Variants in PPP6R2 observed in about 807,000 individuals in gnomAD.
PPP6R2 encodes protein phosphatase 6 regulatory subunit 2.
Under a neutral mutation model 100.2 loss-of-function variants are expected in PPP6R2, and 62 were observed. The ratio of observed to expected loss-of-function variants is 0.62; its 90% confidence interval spans 0.50 to 0.76. PPP6R2 has a LOEUF of 0.76. Among genes scored for constraint, PPP6R2 ranks in the 30% least tolerant of loss-of-function variants. PPP6R2 has a pLI of 0.00. For synonymous variants in PPP6R2, 525 were observed against 514.7 expected (o/e 1.02, Z -0.27); for missense variants, 1,142 against 1,276.3 (o/e 0.89, Z 1.60).
Position 50,443,706 on chromosome 22 carries a change from G to C in PPP6R2, c.2580-160G>C, listed in dbSNP as rs144896241. On this transcript the variant is annotated intron_variant, in intron 22 of 23. Transcript: ENST00000612753. ...TTGGGGCAGCAGAGCTGCCTAGCTG[G>C]GCACAACCTGGGCCACCCCACAAAG... is the stretch of plus-strand genomic sequence containing the variant. 4.6e-5 allele frequency: 47 copies of C among 1,032,114 alleles called. No individual in the cohort carries two copies. In the African/African-American group the frequency reaches 6.4e-4, roughly 14 times the overall value. The allele number at this position is 1,032,114 out of a possible 1,614,324, so 63.9% of individuals were successfully genotyped here.
chr22:50,393,298 C>A, intron 2 of PPP6R2: 1 of 720,238 alleles, frequency 1.4e-6, no homozygotes, highest in Non-Finnish European at 1.7e-6. Flanking sequence ...AGTGGATGGG[C>A]CGGGTGGCTG....
At chr22:50,337,729 G>A in the PPP6R2 span, among the ~76,000 whole-genome samples, 1 of 146,436 alleles carries the variant, frequency 6.8e-6, no homozygotes, top group African/African-American at 2.5e-5. Context: ...GTACTGTGTG[G>A]TATGTAGTGT....
chr22:50,417,938 T>C (rs2147633848), intron 6 of PPP6R2, among the ~76,000 whole-genome samples: 1 of 152,288 alleles, frequency 6.6e-6, no homozygotes, highest in South Asian at 2.1e-4. Flanking sequence ...TCTCTCTTAA[T>C]CACATTTGTC....
chr22:50,414,703 TC>T lies in PPP6R2; in HGVS notation c.552+22del, dbSNP rs60172550. 599,936 of 1,604,236 alleles carry T rather than the reference TC, an allele frequency of 0.37. 116,967 individuals carry two copies. The highest frequency in any genetic ancestry group is 0.73 in the East Asian group (32,646 of 44,638). On this transcript the variant is annotated intron_variant, in intron 5 of 23. Coordinates refer to ENST00000612753, the MANE Select transcript of PPP6R2 (RefSeq NM_001242898.2). ...GACGTCCTGCACGTGAGTGCGGGAG[TC>T]CCCCCCCGTTCCCGAGGGCAGGGGT...
intron 5 of PPP6R2, among the ~76,000 whole-genome samples, chr22:50,415,655 GC>G (rs1292147889): frequency 6.6e-6 from 1 of 152,252 alleles, no homozygotes. Flanking sequence ...GGCCCCCGTT[GC>G]CCTTGAGCTT....
At chr22:50,355,495 C>T (rs993085679) in intron 1 of PPP6R2, among the ~76,000 whole-genome samples, 4 of 150,714 alleles carry the variant, frequency 2.7e-5, no homozygotes, top group Admixed American at 1.3e-4. Flanking sequence ...TTCCAAAGTG[C>T]TGGGATTACA....
intron 10 of PPP6R2, among the ~76,000 whole-genome samples, chr22:50,424,521 G>T (rs568977844): frequency 9.3e-5 from 14 of 151,170 alleles, no homozygotes; most frequent in Non-Finnish European, 1.2e-4. Flanking sequence ...CTGTCCGCGT[G>T]TGGAACGTCT....
the PPP6R2 span, among the ~76,000 whole-genome samples, chr22:50,331,390 G>A: frequency 7.9e-5 from 12 of 152,010 alleles, no homozygotes; most frequent in Admixed American, 5.3e-4. Context: ...AAACTTTTCC[G>A]AACAGTTTTA....
chr22:50,352,680 A>C (rs186589794), intron 1 of PPP6R2, among the ~76,000 whole-genome samples: 1 of 151,652 alleles, frequency 6.6e-6, no homozygotes, highest in East Asian at 1.9e-4. Flanking sequence ...AGCCAAGATC[A>C]CGCCACTGCA....
chr22:50,441,836 G>A (rs1328798747), intron 22 of PPP6R2, among the ~76,000 whole-genome samples: 37 of 152,194 alleles, frequency 2.4e-4, no homozygotes, highest in Admixed American at 2.1e-3. Context: ...GGGTCAGGGC[G>A]TGGGTTAGCA....
chr22:50,419,431 T>C lies in PPP6R2; in HGVS notation c.814T>C (p.Leu272=). 1 of 1,614,170 alleles carries C rather than the reference T, an allele frequency of 6.2e-7. No homozygotes were observed. The highest frequency in any genetic ancestry group is 8.5e-7 in the Non-Finnish European group (1 of 1,180,020). Residue 272 remains leucine (L), a synonymous_variant, in exon 8 of 24, where the codon TTA becomes CTA. Coordinates refer to ENST00000612753, the MANE Select transcript of PPP6R2 (RefSeq NM_001242898.2). ...CTGCCTCGTCAGTGGGACTCAGGTG[T>C]TACTCACCTTGCTGGAAACCAGGCG... The part of the protein sequence containing the change: ...ESCLVSGTQV[L]LTLLETRRVG...
rs368147502 is a variant in PPP6R2, at chr22:50,429,113, C to T, written c.1126-2060C>T. Among the ~76,000 whole-genome samples, 68 of 152,194 alleles carry T rather than the reference C, an allele frequency of 4.5e-4. 1 individual carries two copies. In the East Asian group the frequency reaches 0.011, roughly 24 times the overall value. The stretch of plus-strand genomic sequence containing the variant: ...TGGCATGATCTTGGCTCACGGCAAC[C>T]GCCGCCTCCTGGGCTCAGGCGATTC... On this transcript the variant is annotated intron_variant, in intron 10 of 23. Coordinates refer to ENST00000612753, the MANE Select transcript of PPP6R2 (RefSeq NM_001242898.2).
chr22:50,353,417 C>T (rs1406503912), intron 1 of PPP6R2, among the ~76,000 whole-genome samples: 2 of 152,040 alleles, frequency 1.3e-5, no homozygotes, highest in Non-Finnish European at 2.9e-5. Context: ...ACTTACGCAG[C>T]GTTTATTAAG....
At position 50,431,496 on chromosome 22, in the gene PPP6R2, C is replaced by A; in HGVS notation, c.1335+114C>A. 1 of 962,280 alleles carries A rather than the reference C, an allele frequency of 1.0e-6. No individual in the cohort carries two copies. The highest frequency in any genetic ancestry group is 2.4e-5 in the Admixed American group (1 of 41,114). The allele number at this position is 962,280 out of a possible 1,614,324, so 59.6% of individuals were successfully genotyped here. A position where few individuals can be genotyped will look rare whatever the true frequency, so the allele number is the denominator to read the frequency against. ...CTGTGCAGCTGACACGGGGGCAGGG[C>A]TTTGAAAAGGGTCCCCAGGTGTCTG... On this transcript the variant is annotated intron_variant, in intron 11 of 23. Coordinates refer to ENST00000612753, the MANE Select transcript of PPP6R2 (RefSeq NM_001242898.2). The surrounding 1 kb of genome is among the most constrained non-coding windows in gnomAD (Gnocchi z 4.8).
At chr22:50,350,920 C>G (rs945154493) in intron 1 of PPP6R2, among the ~76,000 whole-genome samples, 4 of 150,740 alleles carry the variant, frequency 2.7e-5, no homozygotes, top group Admixed American at 2.7e-4. Flanking sequence ...CAACATTAGT[C>G]TCCTTGTACA....
At chr22:50,350,627 C>G (rs62241245) in intron 1 of PPP6R2, among the ~76,000 whole-genome samples, 27 of 149,100 alleles carry the variant, frequency 1.8e-4, no homozygotes, top group Admixed American at 1.3e-4. Flanking sequence ...AGGCAGATCA[C>G]GAGGTCAGGA....
At chr22:50,396,746 G>C (rs185466410) in intron 3 of PPP6R2, among the ~76,000 whole-genome samples, 1 of 152,282 alleles carries the variant, frequency 6.6e-6, no homozygotes, top group East Asian at 1.9e-4. Flanking sequence ...CCCTGTGGCA[G>C]GGGGTGGTCA....
intron 1 of PPP6R2, among the ~76,000 whole-genome samples, chr22:50,349,904 G>T (rs541052652): frequency 1.7e-3 from 258 of 151,304 alleles, no homozygotes; most frequent in African/African-American, 6.0e-3. Context: ...GATCACCTGA[G>T]GTCAGGAGTT....
chr22:50,419,112 A>G, intron 7 of PPP6R2, 133 bp downstream of exon 7: 1 of 811,498 alleles, frequency 1.2e-6, no homozygotes, highest in East Asian at 2.6e-5. Context: ...CCAGGTTCAG[A>G]GCCCATGTTA....
Sources: allele counts gnomAD v4.1 joint callset (sites outside exome capture counted in the v4.1 genomes callset), GRCh38; gene constraint gnomAD v4.1.1; non-coding constraint Gnocchi (gnomAD v3.1); transcripts MANE v1.5; gene names NCBI Gene and HGNC (gene_info 2026-07-23, HGNC 2026-07-21).